SHPK: variants seen among roughly 807,000 people sequenced by gnomAD.
The protein encoded by SHPK is carbohydrate kinase-like protein.
A neutral mutation model predicts 46.3 loss-of-function variants in SHPK; 51 were observed. The observed-to-expected ratio is 1.10, with a 90% CI of 0.88 to 1.39. The LOEUF is 1.39. SHPK is among the 40% of genes most tolerant of loss of function. The pLI is 0.00. For synonymous variants in SHPK, 290 were observed against 273.9 expected (o/e 1.06, Z -0.58); for missense variants, 668 against 641.3 (o/e 1.04, Z -0.45).
At position 3,610,855 on chromosome 17, in the gene SHPK, T is replaced by C; in HGVS notation, c.1142A>G (p.Gln381Arg). Reference sequence around the variant, plus strand: ...GGAGATTCTGGTCACTGAGGCCAGCTGGTCCGGCAGGTGCCTCTCCCCCAG... The same window carrying C: ...GGAGATTCTGGTCACTGAGGCCAGCCGGTCCGGCAGGTGCCTCTCCCCCAG... ...TVLGERHLPD[Q>R]LASVTRISSS... The change falls in exon 7 of 7, where the codon CAG (glutamine) becomes CGG (arginine). Residue 381 changes from glutamine (Q) to arginine (R), a missense_variant. Coordinates refer to ENST00000225519, the MANE Select transcript of SHPK (RefSeq NM_013276.4). 3 of 1,614,086 alleles carry C rather than the reference T, an allele frequency of 1.9e-6. No homozygotes were observed. The highest frequency in any genetic ancestry group is 1.1e-5 in the South Asian group (1 of 91,080).
Position 3,624,034 on chromosome 17 carries a change from G to A in SHPK, c.494+14C>T, listed in dbSNP as rs776496988. 1 of 1,589,290 alleles carries A rather than the reference G, an allele frequency of 6.3e-7. No individual in the cohort carries two copies. The highest frequency in any genetic ancestry group is 8.6e-7 in the Non-Finnish European group (1 of 1,161,636). ...GGAAACCCAGCACCCGAGTGAAAGT[G>A]CAGTTGCCCGTACCGATATTTCAAA... On this transcript the variant is annotated intron_variant, in intron 3 of 6. Transcript: ENST00000225519.
rs1304700633 is a variant in SHPK at position 3,608,413 on chromosome 17, A to G, written c.*2147T>C. On this transcript the variant is annotated 3_prime_UTR_variant, in exon 7 of 7. Coordinates refer to ENST00000225519, the MANE Select transcript of SHPK (RefSeq NM_013276.4). ...TGGTGCTTTGGGGCCCTAATGAAGT[A>G]AAAAAAGACTGACCTGAACAGAAGC... is the stretch of plus-strand genomic sequence containing the variant. The G allele has an allele frequency of 6.6e-6, 1 of 152,004 alleles. No individual in the cohort carries two copies. The highest frequency in any genetic ancestry group is 1.5e-5 in the Non-Finnish European group (1 of 67,998). 9.4% of individuals were successfully genotyped at this position (152,004 alleles called of 1,614,324 possible). A position where few individuals can be genotyped will look rare whatever the true frequency, so the allele number is the denominator to read the frequency against.
At chr17:3,612,433 A>C (rs1262768724) in intron 6 of SHPK, among the ~76,000 whole-genome samples, 2 of 152,044 alleles carry the variant, frequency 1.3e-5, no homozygotes, top group South Asian at 2.1e-4. Context: ...CTTAAAAAAA[A>C]AAAAAAAAAG....
intron 6 of SHPK, 49 bp downstream of exon 6, chr17:3,615,288 G>C (rs954573629): frequency 6.3e-7 from 1 of 1,584,574 alleles, no homozygotes; most frequent in Non-Finnish European, 8.7e-7. Context: ...GACCCTGCCG[G>C]GTAGAAAGGA....
At chr17:3,614,904 G>T (rs536527804) in intron 6 of SHPK, among the ~76,000 whole-genome samples, 2 of 152,184 alleles carry the variant, frequency 1.3e-5, no homozygotes, top group African/African-American at 4.8e-5. Context: ...ACTTCCTATG[G>T]CCAGGCTTCT....
intron 5 of SHPK, among the ~76,000 whole-genome samples, chr17:3,618,946 T>G (rs2150869196): frequency 6.6e-6 from 1 of 152,302 alleles, no homozygotes; most frequent in South Asian, 2.1e-4. Flanking sequence ...TGCTGGGGCC[T>G]GTGGTAACTC....
intron 6 of SHPK, among the ~76,000 whole-genome samples, chr17:3,612,988 G>T (rs1306068972): frequency 6.6e-6 from 1 of 152,118 alleles, no homozygotes; most frequent in Non-Finnish European, 1.5e-5. Context: ...CTGACTTCGT[G>T]ATCCGCCCAC....
intron 2 of SHPK, among the ~76,000 whole-genome samples, chr17:3,627,585 A>G (rs2075445546): frequency 6.6e-6 from 1 of 152,078 alleles, no homozygotes; most frequent in South Asian, 2.1e-4. Context: ...GACTTCACTA[A>G]GCAGGTATCA....
rs771136622 is a variant in SHPK at position 3,610,646 on chromosome 17, G to A, written c.1351C>T (p.Pro451Ser). 6.8e-6 allele frequency: 11 copies of A among 1,613,840 alleles called. No homozygotes were observed. The East Asian group carries it at 2.4e-4, about 36-fold the overall frequency. Residue 451 changes from proline (P) to serine (S), a missense_variant, in exon 7 of 7, where the codon CCC (proline) becomes TCC (serine). Coordinates refer to ENST00000225519, the MANE Select transcript of SHPK (RefSeq NM_013276.4). ...KQEVQRAFPL[P>S]MSFGQDVDAA... ...TCCACATCCTGCCCAAAGGACATGG[G>A]CAAAGGGAAAGCCCTCTGCACCTCC... is the stretch of plus-strand genomic sequence containing the variant.
At position 3,621,327 on chromosome 17, in the gene SHPK, A is replaced by G. The variant is rs750214108; in HGVS notation, c.733T>C (p.Phe245Leu). 6.2e-7 allele frequency: 1 copy of G among 1,613,988 alleles called. No individual in the cohort carries two copies. The highest frequency in any genetic ancestry group is 2.2e-5 in the East Asian group (1 of 44,862). ...ACCTGCGTCCCCTTTGGGATTTCAA[A>G]CCACATGTGGGAAGTTCTGCCCGCC... ...SVAGRTSHMWFEIPKGTQVGV... is the reference protein window; with the variant it reads ...SVAGRTSHMWLEIPKGTQVGV... Residue 245 changes from phenylalanine (F) to leucine (L), a missense_variant, in exon 5 of 7, where the codon TTT (phenylalanine) becomes CTT (leucine). Transcript: ENST00000225519.
chr17:3,614,350 C>T (rs961455889), intron 6 of SHPK, among the ~76,000 whole-genome samples: 3 of 151,782 alleles, frequency 2.0e-5, no homozygotes, highest in African/African-American at 4.8e-5. Context: ...CGGTGAAACC[C>T]CACCTCTACT....
intron 5 of SHPK, among the ~76,000 whole-genome samples, chr17:3,620,994 C>G (rs1429915586): frequency 1.3e-5 from 2 of 152,208 alleles, no homozygotes; most frequent in Non-Finnish European, 2.9e-5. Flanking sequence ...TCACCCAGCC[C>G]CAGAGGTGGT....
intron 1 of SHPK, among the ~76,000 whole-genome samples, chr17:3,632,868 A>G (rs901746350): frequency 6.6e-6 from 1 of 152,060 alleles, no homozygotes; most frequent in Non-Finnish European, 1.5e-5. Context: ...GGCAAATACC[A>G]AAAACTGATT....
intron 2 of SHPK, 68 bp downstream of exon 2, chr17:3,630,137 C>G: frequency 3.8e-6 from 6 of 1,597,086 alleles, no homozygotes; most frequent in Non-Finnish European, 5.1e-6. Context: ...CAGAAAGCCC[C>G]GCACAGCACT....
Position 3,610,540 on chromosome 17 carries a change from T to C in SHPK, c.*20A>G, listed in dbSNP as rs1292221876. On this transcript the variant is annotated 3_prime_UTR_variant, in exon 7 of 7. Coordinates refer to ENST00000225519, the MANE Select transcript of SHPK (RefSeq NM_013276.4). ...ATCAGGTAAAATTCACAGCAGTCGTTTGGCGAAAGAGTTTGCTGTCTAAGA... is the reference window on the plus strand; with the variant it reads ...ATCAGGTAAAATTCACAGCAGTCGTCTGGCGAAAGAGTTTGCTGTCTAAGA... 1 of 1,577,984 alleles carries C rather than the reference T, an allele frequency of 6.3e-7. No individual in the cohort carries two copies. Among genetic ancestry groups the C allele is most frequent in the African/African-American group, 1.3e-5 (1 of 74,312 alleles).
intron 2 of SHPK, among the ~76,000 whole-genome samples, chr17:3,625,650 G>C (rs1210443128): frequency 6.6e-6 from 1 of 152,120 alleles, no homozygotes; most frequent in Non-Finnish European, 1.5e-5. Context: ...GCAGCAGTGG[G>C]CTGAGCCCTG....
rs1326674274 is a variant in SHPK, at chr17:3,636,105, C to A, written c.115G>T (p.Ala39Ser). 3 of 1,605,940 alleles carry A rather than the reference C, an allele frequency of 1.9e-6. No homozygotes were observed. The African/African-American group carries it at 4.0e-5, about 22-fold the overall frequency. The change falls in exon 1 of 7, where the codon GCC (alanine) becomes TCC (serine). Residue 39 changes from alanine (A) to serine (S), a missense_variant. Physicochemically the swap from Ala to Ser is moderately conservative, Grantham distance 99. Transcript: ENST00000225519. The stretch of plus-strand genomic sequence containing the variant: ...GCCGCCTCTGCCCGCGCAGCACGGG[C>A]ACAGCTCGCCAGCACTGCGAACCCG... ...PSGFAVLASC[A>S]RAARAEAAVE...
At chr17:3,610,993 C>A in intron 6 of SHPK, 21 bp from the exon 7 acceptor site, 1 of 1,581,668 alleles carries the variant, frequency 6.3e-7, no homozygotes, top group South Asian at 1.1e-5. Flanking sequence ...CAGAGAAGAT[C>A]TGTGTAAGCT....
intron 4 of SHPK, chr17:3,622,709 T>TTC (rs2075410100): frequency 4.9e-6 from 2 of 405,038 alleles, no homozygotes; most frequent in Non-Finnish European, 6.6e-6. Flanking sequence ...CTTTTTTCTT[T>TTC]TTTTTTTTTT....
Sources: allele counts gnomAD v4.1 joint callset (sites outside exome capture counted in the v4.1 genomes callset), GRCh38; gene constraint gnomAD v4.1.1; transcripts MANE v1.5; gene names NCBI Gene and HGNC (gene_info 2026-07-23, HGNC 2026-07-21).